The following DYNC2H1 variants were observed in gnomAD, a reference collection of about 807,000 sequenced individuals.
DYNC2H1 encodes the protein cytoplasmic dynein 2 heavy chain 1.
A neutral mutation model predicts 570.0 loss-of-function variants in DYNC2H1; 410 were observed. The observed-to-expected ratio is 0.72, with a 90% confidence interval of 0.66 to 0.78. The LOEUF (loss-of-function observed/expected upper bound fraction) is 0.78, where lower values mean the gene tolerates loss of function less well. Among genes scored for constraint, DYNC2H1 ranks in the 30% least tolerant of loss-of-function variants. DYNC2H1 has a pLI of 0.00. For missense variants in DYNC2H1, 4,865 were observed against 5,046.4 expected (o/e 0.96, Z 1.09); for synonymous variants, 1,688 against 1,677.6 (o/e 1.01, Z -0.15).
rs1861521310 is a variant in DYNC2H1 at position 103,170,433 on chromosome 11, T to C, written c.5151+143T>C. ...AATTTGTTTAAATTGAAATGTAAAATGGACAGAGGTTGTACGTAGTATAGT... is the reference window on the plus strand; with the variant it reads ...AATTTGTTTAAATTGAAATGTAAAACGGACAGAGGTTGTACGTAGTATAGT... On this transcript the variant is annotated intron_variant, in intron 33 of 88. Transcript: ENST00000375735. This position sits in a 1 kb window ranked among gnomAD's most constrained non-coding sequence, Gnocchi z 4.8. 2 of 892,784 alleles carry C rather than the reference T, an allele frequency of 2.2e-6. No individual in the cohort carries two copies. Among genetic ancestry groups the C allele is most frequent in the Non-Finnish European group, 3.2e-6 (2 of 625,386 alleles). The allele number at this position is 892,784 out of a possible 1,614,324, so 55.3% of individuals were successfully genotyped here.
intron 80 of DYNC2H1, among the ~76,000 whole-genome samples, chr11:103,317,129 C>T (rs994834318): frequency 1.3e-5 from 2 of 151,928 alleles, no homozygotes; most frequent in Non-Finnish European, 2.9e-5. Flanking sequence ...TTGTGCAGGG[C>T]GAAGGGAGGG....
intron 55 of DYNC2H1, among the ~76,000 whole-genome samples, chr11:103,217,969 A>T (rs955413836): frequency 2.0e-5 from 3 of 152,198 alleles, no homozygotes; most frequent in Non-Finnish European, 2.9e-5. Context: ...AAATATGCTT[A>T]ATTTCATGAT....
rs1259712712 is a variant in DYNC2H1 at position 103,395,234 on chromosome 11, A to G, written c.12157-4429A>G. ...TGACTTATGTGAAAAATGGAAATGTATGGTGTATATGATTGAAAAGGTGTT... is the reference window on the plus strand; with the variant it reads ...TGACTTATGTGAAAAATGGAAATGTGTGGTGTATATGATTGAAAAGGTGTT... On this transcript the variant is annotated intron_variant, in intron 83 of 88. Coordinates refer to ENST00000375735, the MANE Select transcript of DYNC2H1 (RefSeq NM_001377.3). This position sits in a 1 kb window ranked among gnomAD's most constrained non-coding sequence, Gnocchi z 4.3. 6.6e-6 allele frequency among the ~76,000 whole-genome samples: 1 copy of G among 152,140 alleles called. No individual in the cohort carries two copies. Among genetic ancestry groups the G allele is most frequent in the Non-Finnish European group, 1.5e-5 (1 of 68,028 alleles).
chr11:103,295,621 C>T (rs755982719), intron 75 of DYNC2H1, among the ~76,000 whole-genome samples: 19 of 152,194 alleles, frequency 1.2e-4, no homozygotes, highest in Non-Finnish European at 2.4e-4. Flanking sequence ...GAGCTACAGC[C>T]ACCTGGGCAC....
chr11:103,241,598 T>G lies in DYNC2H1; in HGVS notation c.9820-2095T>G, dbSNP rs905528345. On this transcript the variant is annotated intron_variant, in intron 63 of 88. Transcript: ENST00000375735. This position sits in a 1 kb window ranked among gnomAD's most constrained non-coding sequence, Gnocchi z 5.1. The stretch of plus-strand genomic sequence containing the variant: ...TAATTACTTTTGTAGTTAGGCAAAA[T>G]GCAGAATTGTGAAATGTGTGCTATT... 1.0e-5 allele frequency: 15 copies of G among 1,443,590 alleles called. No homozygotes were observed. The highest frequency in any genetic ancestry group is 1.4e-5 in the Non-Finnish European group (15 of 1,048,370). 89.4% of individuals were successfully genotyped at this position (1,443,590 alleles called of 1,614,324 possible). A position where few individuals can be genotyped will look rare whatever the true frequency, so the allele number is the denominator to read the frequency against.
rs1338014675 is a variant in DYNC2H1, at chr11:103,181,753, TC to T, written c.6348-3del. 2 of 1,551,002 alleles carry T rather than the reference TC, an allele frequency of 1.3e-6. No individual in the cohort carries two copies. Among genetic ancestry groups the T allele is most frequent in the Admixed American group, 2.0e-5 (1 of 50,924 alleles). On this transcript the variant is annotated splice_region_variant and splice_polypyrimidine_tract_variant and intron_variant, in intron 39 of 88. Coordinates refer to ENST00000375735, the MANE Select transcript of DYNC2H1 (RefSeq NM_001377.3). The surrounding 1 kb of genome is among the most constrained non-coding windows in gnomAD (Gnocchi z 5.0). ...TAATTTTTTATTTGTCTAAACTGTT[TC>T]AGTGATGAAGAGACAGATCTTAATT...
rs751184040 is a variant in DYNC2H1, at chr11:103,148,460, C to T, written c.2819-30C>T. On this transcript the variant is annotated intron_variant, in intron 19 of 88. Coordinates refer to ENST00000375735, the MANE Select transcript of DYNC2H1 (RefSeq NM_001377.3). ...TAGTATTTTTGATGGTAATAATTAA[C>T]ATTTCTTGTATTTCAATGTTACCAC... 27 of 1,541,180 alleles carry T rather than the reference C, an allele frequency of 1.8e-5. 1 individual carries two copies. In the South Asian group the frequency reaches 2.9e-4, roughly 17 times the overall value.
chr11:103,211,665 C>G, intron 53 of DYNC2H1, 124 bp from the exon 54 acceptor site: 1 of 414,170 alleles, frequency 2.4e-6, no homozygotes, highest in Non-Finnish European at 4.2e-6. Flanking sequence ...AAGATGCTAT[C>G]TCATATTTAT....
In DYNC2H1 at chr11:103,158,922, G is replaced by C; in HGVS notation, c.4273G>C (p.Ala1425Pro). ...LNEFLEEKRS[A>P]FPRFYFIGDD... ...CTATTTTTATTAGGAAAAACGCTCA[G>C]CATTCCCAAGATTTTATTTTATTGG... The change falls in exon 28 of 89, where the codon GCA (alanine) becomes CCA (proline). Residue 1425 changes from alanine to proline, a missense_variant. Transcript: ENST00000375735. 6.2e-7 allele frequency: 1 copy of C among 1,608,904 alleles called. No individual in the cohort carries two copies. The highest frequency in any genetic ancestry group is 8.5e-7 in the Non-Finnish European group (1 of 1,178,506).
chr11:103,182,933 G>A (rs1269666809), intron 40 of DYNC2H1, among the ~76,000 whole-genome samples: 1 of 151,832 alleles, frequency 6.6e-6, no homozygotes, highest in Admixed American at 6.6e-5. Flanking sequence ...TGTGAGGATA[G>A]CGATGCAAGT....
intron 75 of DYNC2H1, among the ~76,000 whole-genome samples, chr11:103,292,326 A>G (rs921698971): frequency 6.6e-6 from 1 of 152,066 alleles, no homozygotes; most frequent in Non-Finnish European, 1.5e-5. Context: ...AACTGATGAC[A>G]ACTTAACTCT....
chr11:103,445,422 G>C (rs1944390162), intron 85 of DYNC2H1, among the ~76,000 whole-genome samples: 1 of 152,018 alleles, frequency 6.6e-6, no homozygotes, highest in Non-Finnish European at 1.5e-5. Context: ...TACTTATGTA[G>C]AGATTTGAAT....
At chr11:103,396,473 G>A (rs7943017) in intron 83 of DYNC2H1, among the ~76,000 whole-genome samples, 83,093 of 152,060 alleles carry the variant, frequency 0.55, 23,809 homozygotes, top group African/African-American at 0.74. Context: ...TTTTACGGAT[G>A]AACATGCTAA....
At chr11:103,262,302 C>G (rs1380853689) in intron 70 of DYNC2H1, among the ~76,000 whole-genome samples, 1 of 152,138 alleles carries the variant, frequency 6.6e-6, no homozygotes, top group Non-Finnish European at 1.5e-5. Context: ...GGAGAACTTG[C>G]CCAGCCTGGC....
rs1435651307 is a variant in DYNC2H1 at position 103,324,727 on chromosome 11, C to G, written c.12039+737C>G. On this transcript the variant is annotated intron_variant, in intron 82 of 88. Coordinates refer to ENST00000375735, the MANE Select transcript of DYNC2H1 (RefSeq NM_001377.3). The surrounding 1 kb of genome is among the most constrained non-coding windows in gnomAD (Gnocchi z 5.2). ...ATTTATATTCCTTTGAGTATATACC[C>G]AATAATGGGATTTCTGGGTCAAATG... Among the ~76,000 whole-genome samples, 1 of 152,104 alleles carries G rather than the reference C, an allele frequency of 6.6e-6. No homozygotes were observed. Among genetic ancestry groups the G allele is most frequent in the Non-Finnish European group, 1.5e-5 (1 of 68,020 alleles).
chr11:103,134,252 GT>G, intron 14 of DYNC2H1, 68 bp from the exon 15 acceptor site: 1 of 1,376,784 alleles, frequency 7.3e-7, no homozygotes, highest in Non-Finnish European at 1.0e-6. Context: ...TATCTGTCAG[GT>G]TTCTCCACTG....
intron 7 of DYNC2H1, 30 bp downstream of exon 7, chr11:103,120,611 A>C (rs759872509): frequency 1.3e-6 from 2 of 1,598,506 alleles, no homozygotes; most frequent in Non-Finnish European, 1.7e-6. Flanking sequence ...ATGTCTGTAC[A>C]GTTTCCTGTT....
chr11:103,218,945 A>T (rs596343), intron 55 of DYNC2H1, among the ~76,000 whole-genome samples: 142,008 of 152,328 alleles, frequency 0.93, 66,226 homozygotes, highest in African/African-American at 0.94. Context: ...ATTCTAGGTT[A>T]ATGGCATAAA....
chr11:103,290,387 G>A (rs763571215), intron 75 of DYNC2H1, among the ~76,000 whole-genome samples: 21 of 152,086 alleles, frequency 1.4e-4, no homozygotes, highest in Non-Finnish European at 2.8e-4. Context: ...GCAGGGGGAG[G>A]AAATGTCACT....
Sources: gnomAD v4.1 joint callset for allele counts (sites outside exome capture counted in the v4.1 genomes callset) on GRCh38, gnomAD v4.1.1 for gene constraint, Gnocchi (gnomAD v3.1) non-coding constraint, MANE v1.5 for transcripts, NCBI Gene and HGNC (gene_info 2026-07-23, HGNC 2026-07-21) for gene names.